The following DRC4 variants were observed in gnomAD, a reference collection of about 807,000 sequenced individuals.
The protein encoded by DRC4 is GAS-11.
the DRC4 span, chr16:90,037,676 C>A: frequency 1.5e-6 from 2 of 1,343,972 alleles, no homozygotes; most frequent in South Asian, 1.2e-5. Flanking sequence ...TTATTTTTGG[C>A]CTTGCCATCT....
the DRC4 span, chr16:90,040,614 G>C: frequency 9.5e-7 from 1 of 1,057,388 alleles, no homozygotes; most frequent in East Asian, 2.7e-5. Flanking sequence ...CCCCTCGGTC[G>C]GCCACTGAGG....
the DRC4 span, chr16:90,043,031 T>C: frequency 1.8e-5 from 13 of 714,078 alleles, no homozygotes; most frequent in Non-Finnish European, 2.7e-5. Flanking sequence ...GCCAACGCAG[T>C]GAAGGTGCTT....
the DRC4 span, chr16:90,036,514 G>A: frequency 1.9e-6 from 3 of 1,613,118 alleles, no homozygotes; most frequent in Middle Eastern, 1.7e-4. Context: ...GCCACGAGGA[G>A]GCCTTCACCG....
chr16:90,022,950 C>T, the DRC4 span, among the ~76,000 whole-genome samples: 1 of 152,126 alleles, frequency 6.6e-6, no homozygotes, highest in African/African-American at 2.4e-5. Context: ...TGTCCAGAGC[C>T]CTGTGCTCAC....
chr16:90,024,212 G>A, the DRC4 span, among the ~76,000 whole-genome samples: 2 of 152,050 alleles, frequency 1.3e-5, no homozygotes, highest in Non-Finnish European at 2.9e-5. Context: ...TTGGGAGGCT[G>A]AGGCAGGAGA....
chr16:90,041,984 C>T, the DRC4 span, among the ~76,000 whole-genome samples: 3 of 152,082 alleles, frequency 2.0e-5, no homozygotes, highest in Non-Finnish European at 4.4e-5. Flanking sequence ...GTCACCCAGA[C>T]TGGAGTGCAG....
the DRC4 span, among the ~76,000 whole-genome samples, chr16:90,039,366 T>G: frequency 6.9e-5 from 10 of 145,122 alleles, no homozygotes; most frequent in Admixed American, 1.3e-4. Flanking sequence ...CAGTTATTTA[T>G]TTATTTATTT....
chr16:90,037,704 C>G, the DRC4 span: 9 of 1,524,566 alleles, frequency 5.9e-6, no homozygotes, highest in Non-Finnish European at 8.2e-6. Context: ...GCCCGTGTTA[C>G]TTGGATGACT....
chr16:90,044,616 C>T, the DRC4 span: 3 of 471,198 alleles, frequency 6.4e-6, no homozygotes, highest in Non-Finnish European at 1.3e-5. Flanking sequence ...CCATCTGGGT[C>T]TGTGTAGCTG....
the DRC4 span, chr16:90,020,301 G>T: frequency 5.2e-6 from 2 of 383,362 alleles, no homozygotes; most frequent in Non-Finnish European, 9.0e-6. Context: ...ATGATTGTAT[G>T]TCTCAAAAAA....
the DRC4 span, among the ~76,000 whole-genome samples, chr16:90,024,413 G>T: frequency 6.6e-6 from 1 of 152,212 alleles, no homozygotes; most frequent in African/African-American, 2.4e-5. Context: ...AGGGAGATCT[G>T]TGCAGGGGGA....
At chr16:90,040,905 C>G in the DRC4 span, among the ~76,000 whole-genome samples, 1 of 152,084 alleles carries the variant, frequency 6.6e-6, no homozygotes, top group Admixed American at 6.5e-5. Context: ...CTGTGGGACC[C>G]TGGTCATCTG....
the DRC4 span, chr16:90,029,639 C>T: frequency 4.5e-6 from 1 of 220,658 alleles, no homozygotes; most frequent in Non-Finnish European, 9.7e-6. Flanking sequence ...ACCCCTCCTG[C>T]TGCTCCTTCT....
the DRC4 span, chr16:90,043,098 C>G: frequency 1.5e-6 from 2 of 1,358,578 alleles, no homozygotes; most frequent in Non-Finnish European, 2.0e-6. Context: ...TCCTTCTGCA[C>G]CGTGATGCTC....
the DRC4 span, chr16:90,035,692 G>T: frequency 6.2e-7 from 1 of 1,614,170 alleles, no homozygotes; most frequent in Non-Finnish European, 8.5e-7. Flanking sequence ...TTCGAGGTCA[G>T]TTTCCCGTGT....
At chr16:90,043,942 CA>C in the DRC4 span, 1 of 422,256 alleles carries the variant, frequency 2.4e-6, no homozygotes, top group Non-Finnish European at 4.9e-6. Flanking sequence ...GATGTAGGAC[CA>C]GGGGCACGTG....
chr16:90,042,215 T>C, the DRC4 span: 7 of 541,764 alleles, frequency 1.3e-5, no homozygotes, highest in Non-Finnish European at 2.5e-5. Context: ...GGATCACAGG[T>C]GTGAGCGGCA....
chr16:90,037,549 G>T, the DRC4 span: 3 of 1,091,688 alleles, frequency 2.7e-6, no homozygotes, highest in African/African-American at 3.2e-5. Context: ...GTGTTCTCCT[G>T]GGGAAAGTAA....
chr16:90,035,934 G>A, the DRC4 span: 2 of 1,419,922 alleles, frequency 1.4e-6, no homozygotes, highest in Non-Finnish European at 1.8e-6. Flanking sequence ...GCTAAAATCA[G>A]TAGTTATCAG....
Sources: gnomAD v4.1 joint callset for allele counts (sites outside exome capture counted in the v4.1 genomes callset) on GRCh38, gnomAD v4.1.1 for gene constraint, MANE v1.5 for transcripts, NCBI Gene and HGNC (gene_info 2026-07-23, HGNC 2026-07-21) for gene names.